Variants in TNFRSF10D observed in about 807,000 individuals in gnomAD.
TNFRSF10D encodes tumor necrosis factor receptor superfamily member 10D.
In TNFRSF10D, 28 loss-of-function variants were observed where a neutral mutation model predicts 42.1. The observed-to-expected ratio is 0.66, with a 90% confidence interval of 0.49 to 0.91. The LOEUF (loss-of-function observed/expected upper bound fraction) is 0.91, where lower values mean the gene tolerates loss of function less well. Among genes scored for constraint, TNFRSF10D ranks in the 40% least tolerant of loss-of-function variants. TNFRSF10D has a pLI of 0.00. For synonymous variants in TNFRSF10D, 186 were observed against 189.4 expected, an observed-to-expected ratio of 0.98 and a Z score of 0.15; for missense variants, 503 against 486.1, an observed-to-expected ratio of 1.03 and a Z score of -0.33.
intron 1 of TNFRSF10D, among the ~76,000 whole-genome samples, chr8:23,162,683 T>C (rs983193795): frequency 1.3e-5 from 2 of 152,182 alleles, no homozygotes; most frequent in Non-Finnish European, 2.9e-5. Flanking sequence ...ACATCTTTTA[T>C]GCCTAAGGAA....
chr8:23,145,123 A>G (rs1366285441), intron 5 of TNFRSF10D, 34 bp from the exon 6 acceptor site: 1 of 1,613,004 alleles, frequency 6.2e-7, no homozygotes, highest in Non-Finnish European at 8.5e-7. Flanking sequence ...GCAGGCGGGG[A>G]GGGGCCCATG....
Position 23,135,765 on chromosome 8 carries a change from A to C in TNFRSF10D, c.*2105T>G, listed in dbSNP as rs1814312383. 2.6e-6 allele frequency: 1 copy of C among 389,078 alleles called. No homozygotes were observed. The highest frequency in any genetic ancestry group is 5.0e-6 in the Non-Finnish European group (1 of 198,342). The allele number at this position is 389,078 out of a possible 1,614,324, so 24.1% of individuals were successfully genotyped here. ...AAGCTTATGTTAAAGGAATAAGCTT[A>C]AACACTGATAAGGCTGGTAGTCTAG... On this transcript the variant is annotated 3_prime_UTR_variant, in exon 9 of 9. Coordinates refer to ENST00000312584, the MANE Select transcript of TNFRSF10D (RefSeq NM_003840.5).
intron 7 of TNFRSF10D, among the ~76,000 whole-genome samples, chr8:23,143,490 C>T (rs1479768960): frequency 1.3e-5 from 2 of 151,972 alleles, no homozygotes; most frequent in African/African-American, 2.4e-5. Flanking sequence ...AGGTGCAATG[C>T]GATTCAGCAG....
At chr8:23,147,764 T>TA (rs1451285788) in intron 3 of TNFRSF10D, among the ~76,000 whole-genome samples, 2 of 151,836 alleles carry the variant, frequency 1.3e-5, no homozygotes, top group African/African-American at 4.8e-5. Context: ...CTGTCTCTAC[T>TA]AAAAACACAA....
intron 2 of TNFRSF10D, among the ~76,000 whole-genome samples, chr8:23,153,147 T>C (rs570864701): frequency 5.1e-4 from 78 of 152,222 alleles, no homozygotes; most frequent in African/African-American, 1.9e-3. Context: ...ATAAATGATG[T>C]AGAGGAAAGT....
In TNFRSF10D at chr8:23,144,491, C is replaced by A; in HGVS notation, c.913G>T (p.Gly305Cys). Reference protein sequence around the residue: ...IQGQELAELTGVTVELPEEPQ... With the variant: ...IQGQELAELTCVTVELPEEPQ... ...TCCTCTGGCAACTCTACAGTCACACCTGTTAGCTCTGCCAGCTCCTGACCT... is the reference window on the plus strand; with the variant it reads ...TCCTCTGGCAACTCTACAGTCACACATGTTAGCTCTGCCAGCTCCTGACCT... Residue 305 changes from glycine (G) to cysteine (C), a missense_variant, in exon 7 of 9, where the codon GGT (glycine) becomes TGT (cysteine). Transcript: ENST00000312584. 4 of 1,614,220 alleles carry A rather than the reference C, an allele frequency of 2.5e-6. No individual in the cohort carries two copies. Among genetic ancestry groups the A allele is most frequent in the Non-Finnish European group, 3.4e-6 (4 of 1,180,034 alleles).
intron 2 of TNFRSF10D, among the ~76,000 whole-genome samples, chr8:23,149,326 C>T (rs1800179489): frequency 6.6e-6 from 1 of 151,848 alleles, no homozygotes; most frequent in South Asian, 2.1e-4. Context: ...CAACCTCCAC[C>T]TCCCAGGTTC....
intron 2 of TNFRSF10D, among the ~76,000 whole-genome samples, chr8:23,152,595 T>C (rs141535156): frequency 6.2e-3 from 942 of 152,276 alleles, no homozygotes; most frequent in African/African-American, 0.019. Context: ...TGTGGTATGA[T>C]TGGGTTTTAA....
At chr8:23,152,505 G>T (rs1200405427) in intron 2 of TNFRSF10D, among the ~76,000 whole-genome samples, 5 of 152,128 alleles carry the variant, frequency 3.3e-5, no homozygotes, top group Non-Finnish European at 1.5e-5. Flanking sequence ...TTGGGTTTGG[G>T]GTCAGGGAGA....
intron 3 of TNFRSF10D, among the ~76,000 whole-genome samples, chr8:23,147,982 G>A (rs1051852832): frequency 3.3e-5 from 5 of 149,598 alleles, no homozygotes; most frequent in South Asian, 2.1e-4. Flanking sequence ...GGAGAATGGC[G>A]TGAACTCAGG....
intron 3 of TNFRSF10D, 112 bp downstream of exon 3, chr8:23,148,326 A>G: frequency 3.2e-6 from 2 of 617,542 alleles, no homozygotes; most frequent in Non-Finnish European, 5.8e-6. Context: ...ACAGGGCATG[A>G]TGAAGACTAC....
intron 2 of TNFRSF10D, among the ~76,000 whole-genome samples, chr8:23,149,121 C>T (rs1397246207): frequency 1.5e-5 from 2 of 130,236 alleles, no homozygotes; most frequent in African/African-American, 5.9e-5. Flanking sequence ...ACCCGGGAGG[C>T]AGAGCTTGCA....
At position 23,163,911 on chromosome 8, in the gene TNFRSF10D, G is replaced by T. The variant is rs1461588219; in HGVS notation, c.25C>A (p.Pro9Thr). Residue 9 changes from proline to threonine, a missense_variant, in exon 1 of 9, where the codon CCG becomes ACG. Transcript: ENST00000312584. ...CCTGCTCGAGCGCTCGAGGCGGTCGGGACGCTTTGTCCCCAAAGTCCCATG... is the reference window on the plus strand; with the variant it reads ...CCTGCTCGAGCGCTCGAGGCGGTCGTGACGCTTTGTCCCCAAAGTCCCATG... MGLWGQSV[P>T]TASSARAGRY... 2 of 1,584,254 alleles carry T rather than the reference G, an allele frequency of 1.3e-6. No homozygotes were observed. Among genetic ancestry groups the T allele is most frequent in the Non-Finnish European group, 8.6e-7 (1 of 1,169,300 alleles).
intron 4 of TNFRSF10D, among the ~76,000 whole-genome samples, chr8:23,146,476 A>G (rs888013424): frequency 6.6e-6 from 1 of 152,132 alleles, no homozygotes; most frequent in Non-Finnish European, 1.5e-5. Flanking sequence ...ATGGGAACTT[A>G]AGGGAGCTCC....
At chr8:23,163,259 C>T (rs1800401686) in intron 1 of TNFRSF10D, among the ~76,000 whole-genome samples, 1 of 152,096 alleles carries the variant, frequency 6.6e-6, no homozygotes, top group Admixed American at 6.5e-5. Flanking sequence ...ACCGCCATCA[C>T]GTCCGGCTAA....
intron 1 of TNFRSF10D, among the ~76,000 whole-genome samples, chr8:23,162,001 A>G (rs1472248258): frequency 6.6e-6 from 1 of 152,188 alleles, no homozygotes; most frequent in Non-Finnish European, 1.5e-5. Flanking sequence ...GCTTTGGGTT[A>G]TATCCCATCG....
At position 23,154,908 on chromosome 8, in the gene TNFRSF10D, CTG is replaced by C. The variant is rs1233916832; in HGVS notation, c.220_221del (p.Gln74GlufsTer15). The C allele has an allele frequency of 9.3e-6, 15 of 1,613,878 alleles. No individual in the cohort carries two copies. The highest frequency in any genetic ancestry group is 1.3e-5 in the Non-Finnish European group (15 of 1,179,942). On this transcript the variant is annotated frameshift_variant, in exon 2 of 9. Transcript: ENST00000312584. LOFTEE classifies it high-confidence loss of function. The part of the protein sequence containing the change: ...VPQQTVAPQQ[Q>X]RRSLKEEECP... ...ACTCCTCCTCCTTGAGGCTGCGCCT[CTG>C]TTGCTGTGGGGCCACTGTCTGCTGG...
intron 3 of TNFRSF10D, 94 bp downstream of exon 3, chr8:23,148,344 G>T: frequency 1.2e-6 from 1 of 811,244 alleles, no homozygotes; most frequent in Non-Finnish European, 2.0e-6. Context: ...TACCAAGTTG[G>T]GCTAGAACTT....
At chr8:23,153,295 A>G (rs949798323) in intron 2 of TNFRSF10D, among the ~76,000 whole-genome samples, 2 of 152,236 alleles carry the variant, frequency 1.3e-5, no homozygotes, top group Admixed American at 1.3e-4. Context: ...GAAAATCTTC[A>G]TGACGTTGGT....
Sources: allele counts gnomAD v4.1 joint callset (sites outside exome capture counted in the v4.1 genomes callset), GRCh38; gene constraint gnomAD v4.1.1; transcripts MANE v1.5; gene names NCBI Gene and HGNC (gene_info 2026-07-23, HGNC 2026-07-21).